ZNF804B: variants seen among roughly 807,000 people sequenced by gnomAD.
ZNF804B encodes the protein zinc finger 804B.
In ZNF804B, 80 loss-of-function variants were observed where a neutral mutation model predicts 101.4. The ratio of observed to expected loss-of-function variants is 0.79; its 90% CI spans 0.66 to 0.95. The LOEUF (loss-of-function observed/expected upper bound fraction) is 0.95, where lower values mean the gene tolerates loss of function less well. Among genes scored for constraint, ZNF804B ranks in the 40% least tolerant of loss-of-function variants. The probability of loss-of-function intolerance (pLI) is 0.00; values close to 1 mark genes in which losing one functional copy is unlikely to be tolerated. For synonymous variants in ZNF804B, 622 were observed against 558.8 expected, an observed-to-expected ratio of 1.11 and a Z score of -1.59; for missense variants, 1,673 against 1,561.9, an observed-to-expected ratio of 1.07 and a Z score of -1.20.
intron 1 of ZNF804B, among the ~76,000 whole-genome samples, chr7:88,807,918 G>A (rs975826463): frequency 1.1e-4 from 16 of 152,138 alleles, no homozygotes; most frequent in African/African-American, 3.9e-4. Flanking sequence ...GGTCAAAGAA[G>A]TTCCTACAAC....
intron 1 of ZNF804B, among the ~76,000 whole-genome samples, chr7:88,900,741 T>C (rs1475428996): frequency 2.0e-5 from 3 of 151,480 alleles, no homozygotes; most frequent in African/African-American, 2.4e-5. Flanking sequence ...CAATCTCTTT[T>C]GTACTTTAGA....
intron 1 of ZNF804B, among the ~76,000 whole-genome samples, chr7:88,945,013 C>T (rs1793106977): frequency 6.6e-6 from 1 of 151,882 alleles, no homozygotes; most frequent in African/African-American, 2.4e-5. Context: ...GGATAGATTG[C>T]AAAAATTTTC....
At chr7:88,956,940 G>C (rs2116081260) in intron 1 of ZNF804B, among the ~76,000 whole-genome samples, 1 of 151,496 alleles carries the variant, frequency 6.6e-6, no homozygotes, top group South Asian at 2.1e-4. Context: ...GCATTAATTA[G>C]AGCAACTTAT....
intron 2 of ZNF804B, among the ~76,000 whole-genome samples, chr7:89,294,844 T>C (rs903797389): frequency 4.6e-5 from 7 of 152,144 alleles, no homozygotes; most frequent in African/African-American, 1.7e-4. Context: ...TTCGGTTCTA[T>C]CTACATTTTT....
At chr7:89,038,380 A>G (rs192463152) in intron 1 of ZNF804B, among the ~76,000 whole-genome samples, 2 of 152,112 alleles carry the variant, frequency 1.3e-5, no homozygotes, top group Non-Finnish European at 2.9e-5. Flanking sequence ...GTGATATCTC[A>G]TTGTGGTTTT....
chr7:89,002,690 G>A (rs1314867238), intron 1 of ZNF804B, among the ~76,000 whole-genome samples: 1 of 151,726 alleles, frequency 6.6e-6, no homozygotes, highest in African/African-American at 2.4e-5. Context: ...TGGTATTTAA[G>A]GACTTAAATC....
chr7:88,938,837 A>G (rs749314714), intron 1 of ZNF804B, among the ~76,000 whole-genome samples: 4 of 152,062 alleles, frequency 2.6e-5, no homozygotes, highest in Non-Finnish European at 5.9e-5. Flanking sequence ...TTAAGAATCT[A>G]TCATTCAAAA....
intron 2 of ZNF804B, among the ~76,000 whole-genome samples, chr7:89,307,900 TA>T: frequency 6.6e-6 from 1 of 152,194 alleles, no homozygotes; most frequent in Middle Eastern, 3.4e-3. Context: ...CCTTGCCTAA[TA>T]ACCTTTTTTC....
chr7:89,000,138 T>G (rs1388641174), intron 1 of ZNF804B, among the ~76,000 whole-genome samples: 1 of 151,976 alleles, frequency 6.6e-6, no homozygotes, highest in Admixed American at 6.6e-5. Flanking sequence ...TCTGTTACAG[T>G]TGTTACTAAA....
chr7:89,034,853 T>G (rs1376901769), intron 1 of ZNF804B, among the ~76,000 whole-genome samples: 1 of 152,174 alleles, frequency 6.6e-6, no homozygotes, highest in African/African-American at 2.4e-5. Context: ...TTGAACTGAT[T>G]TACACTCCCA....
intron 2 of ZNF804B, among the ~76,000 whole-genome samples, chr7:89,313,248 T>C (rs903900749): frequency 2.6e-5 from 4 of 152,228 alleles, no homozygotes; most frequent in Non-Finnish European, 2.9e-5. Flanking sequence ...TTTCTTCATC[T>C]TTAAAATTAG....
chr7:88,836,208 G>A (rs1454709351), intron 1 of ZNF804B, among the ~76,000 whole-genome samples: 4 of 151,894 alleles, frequency 2.6e-5, no homozygotes, highest in Admixed American at 1.3e-4. Flanking sequence ...AATTGTTGGG[G>A]CAGACTTGAA....
At chr7:88,958,411 C>A (rs1793343751) in intron 1 of ZNF804B, among the ~76,000 whole-genome samples, 2 of 151,386 alleles carry the variant, frequency 1.3e-5, no homozygotes, top group Admixed American at 1.3e-4. Context: ...AGACCAAAAT[C>A]TTTTCATGTA....
chr7:88,832,003 GC>G (rs1791141697), intron 1 of ZNF804B, among the ~76,000 whole-genome samples: 1 of 151,646 alleles, frequency 6.6e-6, no homozygotes, highest in South Asian at 2.1e-4. Context: ...CTGAAGGAAA[GC>G]CTTTTTCTAA....
chr7:89,305,650 T>G (rs894843055), intron 2 of ZNF804B, among the ~76,000 whole-genome samples: 1 of 151,990 alleles, frequency 6.6e-6, no homozygotes, highest in African/African-American at 2.4e-5. Context: ...TTATAATAAA[T>G]GTGATAAACA....
intron 1 of ZNF804B, among the ~76,000 whole-genome samples, chr7:89,011,653 G>C (rs1332171256): frequency 1.3e-5 from 2 of 152,124 alleles, no homozygotes; most frequent in East Asian, 3.9e-4. Flanking sequence ...AAACCTTAAA[G>C]TTCCAAAATG....
intron 2 of ZNF804B, among the ~76,000 whole-genome samples, chr7:89,293,385 G>T (rs896451079): frequency 1.4e-4 from 21 of 152,114 alleles, no homozygotes; most frequent in Non-Finnish European, 2.9e-4. Context: ...TTATACAATT[G>T]TTATTTGTCC....
At chr7:88,865,228 C>CAA (rs10706264) in intron 1 of ZNF804B, among the ~76,000 whole-genome samples, 2,446 of 115,754 alleles carry the variant, frequency 0.021, 72 homozygotes, top group African/African-American at 0.047. Context: ...GACTTCGTAT[C>CAA]AAAAAAAAAA....
At chr7:88,924,664 T>C (rs2116004440) in intron 1 of ZNF804B, among the ~76,000 whole-genome samples, 1 of 152,294 alleles carries the variant, frequency 6.6e-6, no homozygotes, top group Middle Eastern at 3.4e-3. Flanking sequence ...CATGGCTCAC[T>C]CATTTCATTC....
Sources: gnomAD v4.1 joint callset for allele counts (sites outside exome capture counted in the v4.1 genomes callset) on GRCh38, gnomAD v4.1.1 for gene constraint, MANE v1.5 for transcripts, NCBI Gene and HGNC (gene_info 2026-07-23, HGNC 2026-07-21) for gene names.